The following NSMCE2 variants were observed in gnomAD, a reference collection of about 807,000 sequenced individuals.
NSMCE2 encodes E3 SUMO-protein ligase NSE2.
A neutral mutation model predicts 23.8 loss-of-function variants in NSMCE2; 24 were observed. The ratio of observed to expected loss-of-function variants is 1.01; its 90% CI spans 0.73 to 1.42. The LOEUF is 1.42. NSMCE2 is among the 40% of genes most tolerant of loss of function. The pLI is 0.00. For synonymous variants in NSMCE2, 92 were observed against 94.1 expected, an observed-to-expected ratio of 0.98 and a Z score of 0.13; for missense variants, 284 against 296.5, an observed-to-expected ratio of 0.96 and a Z score of 0.31.
chr8:125,310,536 A>T (rs1376886950), intron 5 of NSMCE2, among the ~76,000 whole-genome samples: 1 of 152,220 alleles, frequency 6.6e-6, no homozygotes, highest in Non-Finnish European at 1.5e-5. Context: ...GACCAATATC[A>T]TAAAGTTTTG....
intron 4 of NSMCE2, among the ~76,000 whole-genome samples, chr8:125,174,205 C>T (rs962655438): frequency 6.6e-6 from 1 of 152,004 alleles, no homozygotes; most frequent in Non-Finnish European, 1.5e-5. Context: ...ATTTGTTTCC[C>T]CCACTAGATC....
intron 5 of NSMCE2, among the ~76,000 whole-genome samples, chr8:125,339,297 G>A (rs1427337885): frequency 6.6e-6 from 1 of 152,070 alleles, no homozygotes; most frequent in African/African-American, 2.4e-5. Context: ...GCAGAAGCTC[G>A]CAGAACTTAT....
At chr8:125,303,721 A>T (rs1828651915) in intron 5 of NSMCE2, among the ~76,000 whole-genome samples, 1 of 152,200 alleles carries the variant, frequency 6.6e-6, no homozygotes, top group Non-Finnish European at 1.5e-5. Context: ...GAGGAAATTT[A>T]AATAGTACAG....
chr8:125,158,676 A>G (rs1821446903), intron 4 of NSMCE2, among the ~76,000 whole-genome samples: 1 of 152,224 alleles, frequency 6.6e-6, no homozygotes, highest in Non-Finnish European at 1.5e-5. Flanking sequence ...GTCCACATAC[A>G]GCATTAAACC....
chr8:125,103,198 C>T (rs923888471), intron 3 of NSMCE2, among the ~76,000 whole-genome samples: 2 of 151,784 alleles, frequency 1.3e-5, no homozygotes, highest in African/African-American at 4.8e-5. Context: ...TCCAGCTACT[C>T]GGGAGGCTGA....
chr8:125,105,085 G>GT (rs912211253), intron 3 of NSMCE2, among the ~76,000 whole-genome samples: 1 of 152,126 alleles, frequency 6.6e-6, no homozygotes, highest in African/African-American at 2.4e-5. Context: ...ACTTTTCCCA[G>GT]TTTTCCCTTA....
chr8:125,250,335 A>T (rs539618306), intron 5 of NSMCE2, among the ~76,000 whole-genome samples: 8,499 of 103,858 alleles, frequency 0.082, 445 homozygotes, highest in African/African-American at 0.25. Context: ...TTTCTTTTTA[A>T]AAAAAAAGCA....
In NSMCE2 at chr8:125,346,468, T is replaced by G. The variant is rs532615752; in HGVS notation, c.419-10751T>G. On this transcript the variant is annotated intron_variant, in intron 5 of 7. Coordinates refer to ENST00000287437, the MANE Select transcript of NSMCE2 (RefSeq NM_173685.4). ...TGAGTGCAAAGGGCGCTCCTTACCT[T>G]CTGATCTTTGCTTTCTTCAGACTTT... Among the ~76,000 whole-genome samples, 6 of 152,332 alleles carry G rather than the reference T, an allele frequency of 3.9e-5. No homozygotes were observed. In the East Asian group the frequency reaches 1.2e-3, roughly 29 times the overall value.
At chr8:125,269,751 A>G (rs1218771678) in intron 5 of NSMCE2, among the ~76,000 whole-genome samples, 1 of 152,224 alleles carries the variant, frequency 6.6e-6, no homozygotes, top group Non-Finnish European at 1.5e-5. Context: ...CTTACTTCAC[A>G]TGAATCTCAA....
intron 5 of NSMCE2, among the ~76,000 whole-genome samples, chr8:125,198,375 T>C (rs1269500967): frequency 6.6e-6 from 1 of 152,184 alleles, no homozygotes; most frequent in African/African-American, 2.4e-5. Context: ...GATACCTAGT[T>C]TATTGAGAGT....
At position 125,095,135 on chromosome 8, in the gene NSMCE2, G is replaced by T. The variant is rs542649425; in HGVS notation, c.-111+3177G>T. On this transcript the variant is annotated intron_variant, in intron 1 of 7. Coordinates refer to ENST00000287437, the MANE Select transcript of NSMCE2 (RefSeq NM_173685.4). Reference sequence around the variant, plus strand: ...CAAAGTGCTGGGATTATAGGCATGAGCCACCTTTCCAGCCAGGTTTTAGAT... The same window carrying T: ...CAAAGTGCTGGGATTATAGGCATGATCCACCTTTCCAGCCAGGTTTTAGAT... Among the ~76,000 whole-genome samples the T allele has an allele frequency of 2.0e-5, 3 of 152,286 alleles. No homozygotes were observed. In the South Asian group the frequency reaches 6.2e-4, roughly 32 times the overall value.
At chr8:125,167,479 A>G (rs772827110) in intron 4 of NSMCE2, among the ~76,000 whole-genome samples, 32 of 152,092 alleles carry the variant, frequency 2.1e-4, no homozygotes, top group Non-Finnish European at 2.8e-4. Flanking sequence ...CTCCTGGCCA[A>G]CATGGTGAAA....
chr8:125,212,530 A>C (rs1824392318), intron 5 of NSMCE2, among the ~76,000 whole-genome samples: 1 of 152,188 alleles, frequency 6.6e-6, no homozygotes. Flanking sequence ...GTTGTGAGCC[A>C]GGCTGAGGTT....
Position 125,131,710 on chromosome 8 carries a change from G to T in NSMCE2, c.158-19461G>T, listed in dbSNP as rs115767671. Among the ~76,000 whole-genome samples, 162 of 152,194 alleles carry T rather than the reference G, an allele frequency of 1.1e-3. 2 individuals are homozygous for T. The highest frequency in any genetic ancestry group is 3.8e-3 in the African/African-American group (157 of 41,528). On this transcript the variant is annotated intron_variant, in intron 3 of 7. Coordinates refer to ENST00000287437, the MANE Select transcript of NSMCE2 (RefSeq NM_173685.4). ...TAAACTGCAGTCTTAGAGGCACCTG[G>T]GATGTATATTTTAAAAATGCAAAAT...
intron 5 of NSMCE2, among the ~76,000 whole-genome samples, chr8:125,279,963 A>G (rs1370760465): frequency 2.0e-5 from 3 of 152,206 alleles, no homozygotes; most frequent in Non-Finnish European, 1.5e-5. Context: ...ACCACGTAAC[A>G]ATGTGCATGT....
At chr8:125,303,626 A>G (rs1828647460) in intron 5 of NSMCE2, among the ~76,000 whole-genome samples, 1 of 152,138 alleles carries the variant, frequency 6.6e-6, no homozygotes, top group Non-Finnish European at 1.5e-5. Flanking sequence ...CTTACAGTGC[A>G]CTGTAAGTAC....
rs540059167 is a variant in NSMCE2 at position 125,271,111 on chromosome 8, T to C, written c.419-86108T>C. Among the ~76,000 whole-genome samples, 34 of 151,442 alleles carry C rather than the reference T, an allele frequency of 2.2e-4. No individual in the cohort carries two copies. In the South Asian group the frequency reaches 6.7e-3, roughly 30 times the overall value. ...CCCGTTTCTACTAAAAAACACAAAATTTTGCCAGGCATGGTGGTGCGCACC... is the reference window on the plus strand; with the variant it reads ...CCCGTTTCTACTAAAAAACACAAAACTTTGCCAGGCATGGTGGTGCGCACC... On this transcript the variant is annotated intron_variant, in intron 5 of 7. Coordinates refer to ENST00000287437, the MANE Select transcript of NSMCE2 (RefSeq NM_173685.4).
chr8:125,329,931 G>A lies in NSMCE2; in HGVS notation c.419-27288G>A, dbSNP rs76408270. 9.9e-3 allele frequency among the ~76,000 whole-genome samples: 1,505 copies of A among 152,164 alleles called. 25 individuals carry two copies. The highest frequency in any genetic ancestry group is 0.034 in the African/African-American group (1,416 of 41,516). ...GTGGTGATACCATGTAGTAAGACTG[G>A]TTGTTATTTTTTTTGTTACTATCAC... On this transcript the variant is annotated intron_variant, in intron 5 of 7. Coordinates refer to ENST00000287437, the MANE Select transcript of NSMCE2 (RefSeq NM_173685.4).
intron 5 of NSMCE2, among the ~76,000 whole-genome samples, chr8:125,192,526 C>CAATT (rs61258982): frequency 0.37 from 55,331 of 151,456 alleles, 13,577 homozygotes; most frequent in African/African-American, 0.7. Flanking sequence ...TATATGGTAG[C>CAATT]AAATAGGGAA....
Sources: gnomAD v4.1 joint callset for allele counts (sites outside exome capture counted in the v4.1 genomes callset) on GRCh38, gnomAD v4.1.1 for gene constraint, MANE v1.5 for transcripts, NCBI Gene and HGNC (gene_info 2026-07-23, HGNC 2026-07-21) for gene names.